PCDHA11: variants seen among roughly 807,000 people sequenced by gnomAD.
PCDHA11 encodes the protein protocadherin alpha 11, also known as protocadherin alpha-11.
Under a neutral mutation model 70.3 loss-of-function variants are expected in PCDHA11, and 61 were observed. The observed-to-expected ratio is 0.87, with a 90% CI of 0.71 to 1.07. PCDHA11 has a LOEUF of 1.07. Ranked by LOEUF, PCDHA11 falls within the 50% of genes least tolerant of loss-of-function variation. The pLI is 0.00. For synonymous variants in PCDHA11, 633 were observed against 555.1 expected, an observed-to-expected ratio of 1.14 and a Z score of -1.97; for missense variants, 1,324 against 1,237.5, an observed-to-expected ratio of 1.07 and a Z score of -1.05.
chr5:140,925,964 CA>C lies in PCDHA11; in HGVS notation c.2392-52976del, dbSNP rs782520997. Among the ~76,000 whole-genome samples the C allele has an allele frequency of 8.1e-3, 1,224 of 150,190 alleles. 5 individuals carry two copies. The highest frequency in any genetic ancestry group is 0.019 in the African/African-American group (788 of 40,962). ...TGGAGAAGGAGAAACTGCTATCACG[CA>C]AAAAAAAAGCCTTGAGCTCGCTGGC... On this transcript the variant is annotated intron_variant, in intron 1 of 3. Transcript: ENST00000398640.
intron 1 of PCDHA11, chr5:140,968,997 G>A (rs1459602291): frequency 6.2e-7 from 1 of 1,614,092 alleles, no homozygotes; most frequent in African/African-American, 1.3e-5. Flanking sequence ...TGCTGTGGAG[G>A]CTTCTGTGGA....
At chr5:141,001,811 C>T (rs1200900455) in intron 3 of PCDHA11, among the ~76,000 whole-genome samples, 1 of 152,128 alleles carries the variant, frequency 6.6e-6, no homozygotes, top group Non-Finnish European at 1.5e-5. Flanking sequence ...ATTCTACAAT[C>T]GGCCAAATTC....
intron 1 of PCDHA11, among the ~76,000 whole-genome samples, chr5:140,973,564 A>T (rs2096593487): frequency 6.6e-6 from 1 of 152,168 alleles, no homozygotes; most frequent in Admixed American, 6.5e-5. Context: ...CTCTTTCCTC[A>T]ATTTTTCTAC....
chr5:141,000,421 A>ATAT (rs1265241806), intron 3 of PCDHA11, among the ~76,000 whole-genome samples: 11 of 27,980 alleles, frequency 3.9e-4, no homozygotes, highest in South Asian at 1.9e-3. Flanking sequence ...ATATATATAT[A>ATAT]TTTTTTTTTT....
intron 1 of PCDHA11, among the ~76,000 whole-genome samples, chr5:140,888,585 AC>A (rs1327529840): frequency 4.6e-5 from 7 of 152,358 alleles, no homozygotes; most frequent in African/African-American, 1.4e-4. Flanking sequence ...ATTTGTTAGT[AC>A]ACATTCAGAG....
chr5:140,996,636 T>G (rs561950169), intron 3 of PCDHA11, among the ~76,000 whole-genome samples: 17 of 152,346 alleles, frequency 1.1e-4, no homozygotes, highest in Middle Eastern at 6.8e-3. Context: ...CTGCAAATTA[T>G]GTAGTTAATC....
intron 3 of PCDHA11, among the ~76,000 whole-genome samples, chr5:141,000,421 ATTTTTTT>A (rs34755515): frequency 5.7e-4 from 16 of 27,976 alleles, no homozygotes; most frequent in Non-Finnish European, 7.4e-4. Flanking sequence ...ATATATATAT[ATTTTTTT>A]TTTTTTTTTT....
chr5:140,920,716 C>T (rs1456008356), intron 1 of PCDHA11, among the ~76,000 whole-genome samples: 3 of 151,916 alleles, frequency 2.0e-5, no homozygotes, highest in South Asian at 2.1e-4. Flanking sequence ...TGGTGGTGTG[C>T]GCCTGCAGTC....
intron 1 of PCDHA11, 34 bp downstream of exon 1, chr5:140,871,528 T>G: frequency 2.0e-6 from 3 of 1,530,602 alleles, no homozygotes; most frequent in Non-Finnish European, 2.6e-6. Context: ...TATCAGGAAG[T>G]GTATGTGAAA....
intron 1 of PCDHA11, among the ~76,000 whole-genome samples, chr5:140,898,226 G>T (rs2066602879): frequency 6.6e-6 from 1 of 152,262 alleles, no homozygotes; most frequent in African/African-American, 2.4e-5. Flanking sequence ...GGCTTTTGTT[G>T]CCATTGCTTT....
intron 1 of PCDHA11, among the ~76,000 whole-genome samples, chr5:140,938,027 T>C (rs1372788447): frequency 6.6e-6 from 1 of 152,220 alleles, no homozygotes; most frequent in Non-Finnish European, 1.5e-5. Flanking sequence ...TAAAATCTCA[T>C]ATTTTTATAT....
chr5:140,882,927 C>A, intron 1 of PCDHA11: 1 of 1,614,104 alleles, frequency 6.2e-7, no homozygotes. Context: ...GGAGGTAAAC[C>A]CGAGCTGACT....
intron 1 of PCDHA11, among the ~76,000 whole-genome samples, chr5:140,915,602 C>T (rs1298727977): frequency 6.6e-6 from 1 of 151,066 alleles, no homozygotes; most frequent in Non-Finnish European, 1.5e-5. Context: ...TTTTCCCTTA[C>T]TTTCTGTCAA....
chr5:140,937,099 G>T (rs890589684), intron 1 of PCDHA11, among the ~76,000 whole-genome samples: 1 of 149,656 alleles, frequency 6.7e-6, no homozygotes, highest in Non-Finnish European at 1.5e-5. Flanking sequence ...GTGCAGTGGC[G>T]CAGTCTCGGC....
chr5:140,928,770 C>A, intron 1 of PCDHA11: 4 of 1,614,106 alleles, frequency 2.5e-6, no homozygotes, highest in Non-Finnish European at 2.5e-6. Context: ...TAGTTCTTCC[C>A]ACTGATGCAG....
At chr5:140,894,296 C>T (rs1434101692) in intron 1 of PCDHA11, among the ~76,000 whole-genome samples, 4 of 151,798 alleles carry the variant, frequency 2.6e-5, no homozygotes, top group African/African-American at 4.8e-5. Flanking sequence ...AGTTTATTTT[C>T]CTGGAAAGTT....
Position 140,870,136 on chromosome 5 carries a change from A to G in PCDHA11, c.1033A>G (p.Asn345Asp). ...VWVEILDTND[N>D]SPEVAVTSLS... ...GGTGGAAATCTTGGACACCAACGATAACTCTCCTGAAGTCGCCGTGACTTC... is the reference window on the plus strand; with the variant it reads ...GGTGGAAATCTTGGACACCAACGATGACTCTCCTGAAGTCGCCGTGACTTC... The change falls in exon 1 of 4, where the codon AAC (asparagine) becomes GAC (aspartate). Residue 345 changes from asparagine to aspartate, a missense_variant. Coordinates refer to ENST00000398640, the MANE Select transcript of PCDHA11 (RefSeq NM_018902.5). 6.2e-7 allele frequency: 1 copy of G among 1,614,024 alleles called. No individual in the cohort carries two copies. The highest frequency in any genetic ancestry group is 8.5e-7 in the Non-Finnish European group (1 of 1,179,948).
chr5:140,978,571 A>G (rs891123704), intron 1 of PCDHA11, among the ~76,000 whole-genome samples: 5 of 152,208 alleles, frequency 3.3e-5, no homozygotes, highest in African/African-American at 1.2e-4. Flanking sequence ...TGTAATACTG[A>G]ATTGGGAATG....
At chr5:140,995,132 A>G (rs2097665905) in intron 3 of PCDHA11, among the ~76,000 whole-genome samples, 1 of 152,222 alleles carries the variant, frequency 6.6e-6, no homozygotes, top group African/African-American at 2.4e-5. Flanking sequence ...CTGAAACCTC[A>G]TTTAGTACTG....
Sources: gnomAD v4.1 joint callset for allele counts (sites outside exome capture counted in the v4.1 genomes callset) on GRCh38, gnomAD v4.1.1 for gene constraint, MANE v1.5 for transcripts, NCBI Gene and HGNC (gene_info 2026-07-23, HGNC 2026-07-21) for gene names.